The following PITPNM3 variants were observed in gnomAD, a reference collection of about 807,000 sequenced individuals.
The protein encoded by PITPNM3 is membrane-associated phosphatidylinositol transfer protein 3.
PITPNM3 carries 26 observed loss-of-function variants against 102.0 expected under a neutral mutation model. That is an observed-to-expected ratio of 0.25 (90% CI 0.19 to 0.35). The LOEUF is 0.35. PITPNM3 is among the 10% of genes least tolerant of loss of function. The pLI is 1.00. For missense variants in PITPNM3, 1,083 were observed against 1,346.1 expected (o/e 0.80, Z 3.06); for synonymous variants, 578 against 558.6 (o/e 1.03, Z -0.49).
chr17:6,476,888 C>A, intron 9 of PITPNM3, 141 bp downstream of exon 9: 1 of 1,020,158 alleles, frequency 9.8e-7, no homozygotes. Flanking sequence ...AGTACAGGGC[C>A]GATGGCGAGT....
At chr17:6,555,407 G>A (rs1376825863) in intron 1 of PITPNM3, among the ~76,000 whole-genome samples, 1 of 152,216 alleles carries the variant, frequency 6.6e-6, no homozygotes, top group Admixed American at 6.5e-5. Context: ...GGTCCTGGGG[G>A]ACGGCATGGC....
Position 6,484,237 on chromosome 17 carries a change from G to C in PITPNM3, c.330C>G (p.Ile110Met). 6.2e-7 allele frequency: 1 copy of C among 1,611,914 alleles called. No individual in the cohort carries two copies. Among genetic ancestry groups the C allele is most frequent in the Non-Finnish European group, 8.5e-7 (1 of 1,178,042 alleles). ...CTACCTCGCTGTCTTCGTGGATCTCGATGCTTCCCTGGGCTGGGAACCTCT... is the reference window on the plus strand; with the variant it reads ...CTACCTCGCTGTCTTCGTGGATCTCCATGCTTCCCTGGGCTGGGAACCTCT... ...RRQRFPAQGSIEIHEDSEEGC... is the reference protein window; with the variant it reads ...RRQRFPAQGSMEIHEDSEEGC... Residue 110 changes from isoleucine to methionine, a missense_variant, in exon 5 of 20, where the codon ATC (isoleucine) becomes ATG (methionine). Physicochemically the swap from Ile to Met is conservative, Grantham distance 10. This residue lies in a region of PITPNM3 where 290 missense variants were observed against 337.8 expected (regional missense o/e 0.86). Transcript: ENST00000262483.
chr17:6,522,219 A>G (rs1049279248), intron 3 of PITPNM3, among the ~76,000 whole-genome samples: 1 of 152,056 alleles, frequency 6.6e-6, no homozygotes, highest in South Asian at 2.1e-4. Context: ...AAAGAGAGGT[A>G]TGTGTGACCA....
intron 3 of PITPNM3, among the ~76,000 whole-genome samples, chr17:6,525,093 C>G (rs1162738941): frequency 6.6e-6 from 1 of 152,184 alleles, no homozygotes; most frequent in Admixed American, 6.5e-5. Context: ...TGCCATTAAC[C>G]ACCCGTGCCA....
intron 3 of PITPNM3, among the ~76,000 whole-genome samples, chr17:6,507,419 AC>A (rs1907594005): frequency 7.0e-6 from 1 of 142,358 alleles, no homozygotes; most frequent in South Asian, 2.3e-4. Flanking sequence ...CCCCGTCTCT[AC>A]TAAAAATACA....
intron 3 of PITPNM3, among the ~76,000 whole-genome samples, chr17:6,506,083 C>T (rs1218469908): frequency 6.6e-6 from 1 of 152,038 alleles, no homozygotes; most frequent in East Asian, 1.9e-4. Flanking sequence ...GCAGGAAGCC[C>T]ATTTACAGAT....
intron 14 of PITPNM3, among the ~76,000 whole-genome samples, chr17:6,467,134 T>A (rs1382320362): frequency 6.7e-6 from 1 of 148,396 alleles, no homozygotes; most frequent in African/African-American, 2.5e-5. Context: ...AGGTAGTGAA[T>A]GGATAAGCAA....
chr17:6,482,574 C>G (rs193205547), intron 6 of PITPNM3, among the ~76,000 whole-genome samples: 46 of 152,292 alleles, frequency 3.0e-4, no homozygotes, highest in African/African-American at 9.9e-4. Context: ...CAGCTTGAAG[C>G]TGGGCTGTCA....
intron 6 of PITPNM3, among the ~76,000 whole-genome samples, chr17:6,482,177 G>A (rs768737800): frequency 6.6e-6 from 1 of 151,830 alleles, no homozygotes; most frequent in Non-Finnish European, 1.5e-5. Flanking sequence ...ATTTCAGAAG[G>A]AGTCCTGCCC....
chr17:6,534,687 C>T (rs532157663), intron 2 of PITPNM3, among the ~76,000 whole-genome samples: 12 of 152,310 alleles, frequency 7.9e-5, no homozygotes, highest in Admixed American at 2.6e-4. Flanking sequence ...ATACACTGTT[C>T]CCAGGTCCAG....
chr17:6,550,180 A>G (rs1024451622), intron 1 of PITPNM3, among the ~76,000 whole-genome samples: 1 of 152,232 alleles, frequency 6.6e-6, no homozygotes, highest in African/African-American at 2.4e-5. Flanking sequence ...CCTTCGTTAG[A>G]CAAGTTAGCT....
chr17:6,505,006 C>T (rs917040729), intron 3 of PITPNM3, among the ~76,000 whole-genome samples: 2 of 151,888 alleles, frequency 1.3e-5, no homozygotes, highest in Non-Finnish European at 2.9e-5. Context: ...GGAACCCTGT[C>T]TCTACTAAAA....
At chr17:6,522,267 T>C (rs940928035) in intron 3 of PITPNM3, among the ~76,000 whole-genome samples, 18 of 137,064 alleles carry the variant, frequency 1.3e-4, no homozygotes, top group African/African-American at 4.8e-4. Context: ...AGAAGACCCA[T>C]GAGGTATATT....
intron 17 of PITPNM3, 40 bp from the exon 18 acceptor site, chr17:6,461,596 G>T: frequency 1.2e-6 from 2 of 1,604,522 alleles, no homozygotes. Context: ...CCTGCCCAGT[G>T]CAGGCCACCT....
intron 2 of PITPNM3, among the ~76,000 whole-genome samples, chr17:6,536,503 G>C (rs1909438055): frequency 6.6e-6 from 1 of 152,194 alleles, no homozygotes; most frequent in Non-Finnish European, 1.5e-5. Context: ...CAAATGGGCT[G>C]GTTTAGGGCT....
intron 1 of PITPNM3, among the ~76,000 whole-genome samples, chr17:6,548,601 A>G (rs1910151785): frequency 6.6e-6 from 1 of 152,078 alleles, no homozygotes; most frequent in Non-Finnish European, 1.5e-5. Flanking sequence ...GAAAAGGTCA[A>G]TGGTGCATGA....
intron 3 of PITPNM3, among the ~76,000 whole-genome samples, chr17:6,504,737 T>C (rs1322878981): frequency 6.6e-6 from 1 of 152,178 alleles, no homozygotes; most frequent in Non-Finnish European, 1.5e-5. Context: ...GATACCTGGA[T>C]TCAAATGCCA....
chr17:6,510,664 A>G (rs1294052067), intron 3 of PITPNM3, among the ~76,000 whole-genome samples: 8 of 152,276 alleles, frequency 5.3e-5, no homozygotes, highest in African/African-American at 1.9e-4. Context: ...ATGAGTGCAC[A>G]GTGAGCCCCT....
intron 2 of PITPNM3, among the ~76,000 whole-genome samples, chr17:6,533,995 A>G (rs4796510): frequency 0.77 from 117,173 of 151,674 alleles, 45,763 homozygotes; most frequent in African/African-American, 0.89. Context: ...AAGGTTCCCC[A>G]GCCTCCGTTT....
Sources: allele counts gnomAD v4.1 joint callset (sites outside exome capture counted in the v4.1 genomes callset), GRCh38; gene constraint gnomAD v4.1.1; regional missense constraint gnomAD v4.1.1; transcripts MANE v1.5; gene names NCBI Gene and HGNC (gene_info 2026-07-23, HGNC 2026-07-21).